MYBPC1: variants seen among roughly 807,000 people sequenced by gnomAD.
MYBPC1 encodes myosin binding protein C1, also known as myosin-binding protein C, slow-type.
Under a neutral mutation model 147.1 loss-of-function variants are expected in MYBPC1, and 52 were observed. That is an observed-to-expected ratio of 0.35 (90% CI 0.28 to 0.45). MYBPC1 has a LOEUF of 0.45. MYBPC1 is among the 20% of genes least tolerant of loss of function. The pLI is 1.00. For missense variants in MYBPC1, 1,228 were observed against 1,440.3 expected, an observed-to-expected ratio of 0.85 and a Z score of 2.39; for synonymous variants, 477 against 475.9, an observed-to-expected ratio of 1.00 and a Z score of -0.03.
intron 20 of MYBPC1, 48 bp downstream of exon 20, chr12:101,661,310 C>T (rs1294633800): frequency 6.6e-6 from 8 of 1,203,420 alleles, no homozygotes; most frequent in South Asian, 6.2e-5. Flanking sequence ...CAGTTGTGTC[C>T]TCTTTACGCA....
chr12:101,621,455 G>T (rs1224872723), intron 3 of MYBPC1, among the ~76,000 whole-genome samples: 1 of 152,172 alleles, frequency 6.6e-6, no homozygotes, highest in Non-Finnish European at 1.5e-5. Flanking sequence ...CTCAAAACAT[G>T]ATGAATTAAT....
At chr12:101,627,966 G>C (rs1236457727) in intron 5 of MYBPC1, 162 bp downstream of exon 5, 3 of 821,848 alleles carry the variant, frequency 3.7e-6, no homozygotes, top group Non-Finnish European at 5.9e-6. Context: ...CTAATGTATT[G>C]AGAAACAATT....
At chr12:101,611,970 G>A (rs1176975608) in intron 1 of MYBPC1, among the ~76,000 whole-genome samples, 9 of 151,864 alleles carry the variant, frequency 5.9e-5, no homozygotes, top group Non-Finnish European at 1.0e-4. Context: ...CCAGCTACTC[G>A]GGAGGCTGAG....
intron 1 of MYBPC1, among the ~76,000 whole-genome samples, chr12:101,597,540 C>G (rs1877821284): frequency 6.6e-6 from 1 of 152,140 alleles, no homozygotes; most frequent in South Asian, 2.1e-4. Context: ...CTTGGGAGAG[C>G]TGGTTCTTCT....
chr12:101,665,180 T>C (rs1020153795), intron 22 of MYBPC1, among the ~76,000 whole-genome samples: 2 of 152,298 alleles, frequency 1.3e-5, no homozygotes, highest in Admixed American at 6.5e-5. Context: ...TAGATACATA[T>C]GTATATCCGT....
Position 101,662,617 on chromosome 12 carries a change from C to T in MYBPC1, c.2221+71C>T. ...GAGTATGACTGCTTTCTCTCTGATC[C>T]CTAACTGGAACAGGCCTGGACACTT... On this transcript the variant is annotated intron_variant, in intron 21 of 31. Coordinates refer to ENST00000361466, the MANE Select transcript of MYBPC1 (RefSeq NM_002465.4). 3 of 1,543,610 alleles carry T rather than the reference C, an allele frequency of 1.9e-6. No homozygotes were observed. The South Asian group carries it at 3.4e-5, about 17-fold the overall frequency.
At chr12:101,638,992 C>T (rs1359619056) in intron 10 of MYBPC1, among the ~76,000 whole-genome samples, 2 of 151,894 alleles carry the variant, frequency 1.3e-5, no homozygotes, top group South Asian at 2.1e-4. Flanking sequence ...CATTTCTACT[C>T]CTCCAAGTGT....
At position 101,663,480 on chromosome 12, in the gene MYBPC1, T is replaced by C; in HGVS notation, c.2276T>C (p.Val759Ala). ...LTVDSVTDTTVTMRWRPPDHI... is the reference protein window; with the variant it reads ...LTVDSVTDTTATMRWRPPDHI... ...GTGGACTCTGTCACTGACACGACTG[T>C]CACGATGAGGTGGCGCCCCCCAGAC... The change falls in exon 22 of 32, where the codon GTC becomes GCC. Residue 759 changes from valine to alanine, a missense_variant. Val to Ala is a moderately conservative substitution (Grantham distance 64). This residue lies in a region of MYBPC1 where 1,077 missense variants were observed against 1,314.2 expected (regional missense o/e 0.82). Coordinates refer to ENST00000361466, the MANE Select transcript of MYBPC1 (RefSeq NM_002465.4). 1.2e-6 allele frequency: 2 copies of C among 1,614,136 alleles called. No individual in the cohort carries two copies. Among genetic ancestry groups the C allele is most frequent in the Admixed American group, 1.7e-5 (1 of 60,028 alleles).
intron 1 of MYBPC1, among the ~76,000 whole-genome samples, chr12:101,608,201 G>C (rs1882982238): frequency 6.6e-6 from 1 of 152,216 alleles, no homozygotes; most frequent in African/African-American, 2.4e-5. Context: ...ATGTTCATTA[G>C]AAAGGATCAA....
chr12:101,616,443 T>C (rs1206724993), intron 2 of MYBPC1, among the ~76,000 whole-genome samples: 1 of 152,224 alleles, frequency 6.6e-6, no homozygotes, highest in Non-Finnish European at 1.5e-5. Flanking sequence ...TTCCTGTTGC[T>C]CAAATGTCTC....
chr12:101,662,634 T>C, intron 21 of MYBPC1, 88 bp downstream of exon 21: 2 of 1,434,226 alleles, frequency 1.4e-6, no homozygotes, highest in Non-Finnish European at 2.0e-6. Flanking sequence ...GGAACAGGCC[T>C]GGACACTTCT....
intron 22 of MYBPC1, chr12:101,666,427 G>A (rs920650563): frequency 2.8e-6 from 1 of 356,190 alleles, no homozygotes; most frequent in East Asian, 6.6e-5. Flanking sequence ...TCAGGGTCTT[G>A]CTTTGTTCTT....
chr12:101,617,639 A>C (rs1406017543), intron 3 of MYBPC1, among the ~76,000 whole-genome samples: 1 of 152,104 alleles, frequency 6.6e-6, no homozygotes, highest in Non-Finnish European at 1.5e-5. Context: ...GAACTGTTCC[A>C]GGGTTCACTA....
At chr12:101,625,840 C>T (rs540734336) in intron 3 of MYBPC1, among the ~76,000 whole-genome samples, 1 of 152,138 alleles carries the variant, frequency 6.6e-6, no homozygotes, top group African/African-American at 2.4e-5. Context: ...AATCCCAGCA[C>T]TTTGGGAGGC....
rs145653000 is a variant in MYBPC1, at chr12:101,653,905, T to A, written c.1767+657T>A. Among the ~76,000 whole-genome samples the A allele has an allele frequency of 8.3e-3, 1,264 of 152,130 alleles. 16 individuals are homozygous for A. Among genetic ancestry groups the A allele is most frequent in the African/African-American group, 0.029 (1,209 of 41,494 alleles). On this transcript the variant is annotated intron_variant, in intron 18 of 31. Coordinates refer to ENST00000361466, the MANE Select transcript of MYBPC1 (RefSeq NM_002465.4). ...AAAAGCAAAAAAAGAAAAATTACATTTAAAAAGAAGACATGAGGCTGGGCA... is the reference window on the plus strand; with the variant it reads ...AAAAGCAAAAAAAGAAAAATTACATATAAAAAGAAGACATGAGGCTGGGCA...
At chr12:101,609,350 G>T (rs1883437800) in intron 1 of MYBPC1, among the ~76,000 whole-genome samples, 1 of 152,010 alleles carries the variant, frequency 6.6e-6, no homozygotes, top group African/African-American at 2.4e-5. Context: ...GGAGTATAGT[G>T]GTGCAATCTT....
At chr12:101,689,771 A>C (rs193132192), downstream of MYBPC1, among the ~76,000 whole-genome samples, 36 of 152,350 alleles carry the variant, frequency 2.4e-4, no homozygotes, top group Admixed American at 6.5e-5. Context: ...CAGAGAGCTC[A>C]GAGTGGTTCC....
At chr12:101,648,765 G>A (rs1229008152) in intron 14 of MYBPC1, among the ~76,000 whole-genome samples, 2 of 152,044 alleles carry the variant, frequency 1.3e-5, no homozygotes, top group African/African-American at 2.4e-5. Context: ...TGCTCAGGTG[G>A]GGAATGTTTT....
chr12:101,637,961 C>T (rs773139110), intron 10 of MYBPC1, among the ~76,000 whole-genome samples: 13 of 152,102 alleles, frequency 8.5e-5, no homozygotes, highest in Non-Finnish European at 1.8e-4. Flanking sequence ...TATGAAGTGC[C>T]CTTAAGTGAG....
Sources: gnomAD v4.1 joint callset for allele counts (sites outside exome capture counted in the v4.1 genomes callset) on GRCh38, gnomAD v4.1.1 for gene constraint, gnomAD v4.1.1 regional missense constraint, MANE v1.5 for transcripts, NCBI Gene and HGNC (gene_info 2026-07-23, HGNC 2026-07-21) for gene names.